The following RNPC3 variants were observed in gnomAD, a reference collection of about 807,000 sequenced individuals.
RNPC3 encodes RNA-binding region-containing protein 3.
A neutral mutation model predicts 67.5 loss-of-function variants in RNPC3; 48 were observed. The observed-to-expected ratio is 0.71, with a 90% CI of 0.56 to 0.90. RNPC3 has a LOEUF of 0.90. Among genes scored for constraint, RNPC3 ranks in the 40% least tolerant of loss-of-function variants. The pLI is 0.00. For missense variants in RNPC3, 637 were observed against 626.1 expected (o/e 1.02, Z -0.19); for synonymous variants, 239 against 210.3 (o/e 1.14, Z -1.18).
intron 12 of RNPC3, among the ~76,000 whole-genome samples, chr1:103,548,775 C>T (rs1651310614): frequency 6.6e-6 from 1 of 152,120 alleles, no homozygotes; most frequent in Admixed American, 6.5e-5. Context: ...CTGTATTAGT[C>T]TGTTTTCACT....
intron 2 of RNPC3, among the ~76,000 whole-genome samples, chr1:103,530,760 A>G (rs553224908): frequency 6.6e-6 from 1 of 152,202 alleles, no homozygotes; most frequent in Non-Finnish European, 1.5e-5. Flanking sequence ...TCAGTCCAGA[A>G]TTGATGGTTG....
intron 12 of RNPC3, among the ~76,000 whole-genome samples, chr1:103,548,274 C>T (rs924298624): frequency 2.0e-5 from 3 of 152,134 alleles, no homozygotes; most frequent in African/African-American, 7.2e-5. Context: ...TTTTCTGTTG[C>T]ATTGTCAGAC....
Position 103,526,186 on chromosome 1 carries a change from C to G in RNPC3, c.116C>G (p.Thr39Ser). 6.4e-7 allele frequency: 1 copy of G among 1,551,546 alleles called. No individual in the cohort carries two copies. Among genetic ancestry groups the G allele is most frequent in the Non-Finnish European group, 8.7e-7 (1 of 1,146,912 alleles). Reference protein sequence around the residue: ...LLVRHLPAELTAEEKEDLLKY... With the variant: ...LLVRHLPAELSAEEKEDLLKY... ...GTCAGGCACCTGCCGGCTGAGCTTACTGCTGAGGAGAAAGAGGACTTGCTG... is the reference window on the plus strand; with the variant it reads ...GTCAGGCACCTGCCGGCTGAGCTTAGTGCTGAGGAGAAAGAGGACTTGCTG... Residue 39 changes from threonine (T) to serine (S), a missense_variant, in exon 1 of 15, where the codon ACT (threonine) becomes AGT (serine). Physicochemically the swap from Thr to Ser is moderately conservative, Grantham distance 58. This residue lies in a region of RNPC3 where 536 missense variants were observed against 500.3 expected (regional missense o/e 1.07). Coordinates refer to ENST00000423855, the MANE Select transcript of RNPC3 (RefSeq NM_017619.4).
At chr1:103,536,690 T>G (rs980939655) in intron 6 of RNPC3, among the ~76,000 whole-genome samples, 6 of 152,194 alleles carry the variant, frequency 3.9e-5, no homozygotes, top group Non-Finnish European at 7.3e-5. Flanking sequence ...TTATTAATAC[T>G]TTGAGTGTTC....
chr1:103,546,137 C>A, intron 10 of RNPC3, 111 bp from the exon 11 acceptor site: 1 of 459,038 alleles, frequency 2.2e-6, no homozygotes, highest in Admixed American at 4.2e-5. Context: ...TTAACATTTT[C>A]ATAAAGCTTA....
At chr1:103,551,458 A>G (rs183551109) in intron 13 of RNPC3, among the ~76,000 whole-genome samples, 33 of 152,334 alleles carry the variant, frequency 2.2e-4, no homozygotes, top group Admixed American at 2.0e-3. Flanking sequence ...TCATTGATTA[A>G]CCATCTTGCT....
At chr1:103,544,417 T>C (rs1423560342) in intron 9 of RNPC3, among the ~76,000 whole-genome samples, 3 of 151,852 alleles carry the variant, frequency 2.0e-5, no homozygotes, top group African/African-American at 7.2e-5. Context: ...ATACTTTACA[T>C]TTTTTGGCTG....
intron 13 of RNPC3, among the ~76,000 whole-genome samples, chr1:103,551,422 A>G (rs1249154635): frequency 6.6e-6 from 1 of 152,196 alleles, no homozygotes; most frequent in South Asian, 2.1e-4. Context: ...ATATTTCTAC[A>G]TGAGAATTTT....
intron 1 of RNPC3, 25 bp from the exon 2 acceptor site, chr1:103,527,670 A>T (rs1650752351): frequency 2.0e-6 from 3 of 1,524,394 alleles, no homozygotes; most frequent in Non-Finnish European, 2.7e-6. Context: ...TATTGGAAGT[A>T]ATTTGTACCT....
intron 9 of RNPC3, among the ~76,000 whole-genome samples, chr1:103,544,099 A>C (rs1278297753): frequency 6.6e-6 from 1 of 151,302 alleles, no homozygotes; most frequent in African/African-American, 2.4e-5. Context: ...CTCAAACCTC[A>C]CTCTCCTGTG....
rs145658761 is a variant in RNPC3 at position 103,547,105 on chromosome 1, A to C, written c.1361+70A>C. ...TCTATTACAAATTTACCACTATTTT[A>C]ATCCCATCATTTTCCTTTTAGAGAT... On this transcript the variant is annotated intron_variant, in intron 12 of 14. Coordinates refer to ENST00000423855, the MANE Select transcript of RNPC3 (RefSeq NM_017619.4). 2.4e-3 allele frequency: 1,974 copies of C among 832,510 alleles called. 28 individuals carry two copies. In the African/African-American group the frequency reaches 0.032, roughly 14 times the overall value. The allele number at this position is 832,510 out of a possible 1,614,324, so 51.6% of individuals were successfully genotyped here.
At chr1:103,542,774 T>A (rs1162385323) in intron 8 of RNPC3, among the ~76,000 whole-genome samples, 1 of 151,850 alleles carries the variant, frequency 6.6e-6, no homozygotes, top group African/African-American at 2.4e-5. Flanking sequence ...GAAAACATAA[T>A]GTAAAATATC....
chr1:103,539,353 T>C (rs1452668187), intron 7 of RNPC3, among the ~76,000 whole-genome samples: 2 of 152,058 alleles, frequency 1.3e-5, no homozygotes, highest in Non-Finnish European at 2.9e-5. Flanking sequence ...AAGGGAAGAG[T>C]TAAAATCAAA....
intron 6 of RNPC3, among the ~76,000 whole-genome samples, chr1:103,536,997 T>G (rs1651002481): frequency 6.6e-6 from 1 of 152,194 alleles, no homozygotes; most frequent in African/African-American, 2.4e-5. Context: ...CCATGTGCCT[T>G]CCCAGGTTGA....
In RNPC3 at chr1:103,525,777, T is replaced by C; in HGVS notation, c.-294T>C. 3.6e-6 allele frequency: 1 copy of C among 274,028 alleles called. No homozygotes were observed. Among genetic ancestry groups the C allele is most frequent in the Non-Finnish European group, 6.9e-6 (1 of 145,590 alleles). The allele number at this position is 274,028 out of a possible 1,614,324, so 17.0% of individuals were successfully genotyped here. A position where few individuals can be genotyped will look rare whatever the true frequency, so the allele number is the denominator to read the frequency against. ...TGGGGTTCCTGTTTCCTTCTTTGATTGACAACTTGTGTTAACCCTCGCACA... is the reference window on the plus strand; with the variant it reads ...TGGGGTTCCTGTTTCCTTCTTTGATCGACAACTTGTGTTAACCCTCGCACA... On this transcript the variant is annotated 5_prime_UTR_variant, in exon 1 of 15. Transcript: ENST00000423855.
chr1:103,530,896 G>T (rs1650832646), intron 2 of RNPC3, among the ~76,000 whole-genome samples: 1 of 152,164 alleles, frequency 6.6e-6, no homozygotes. Context: ...TTAGTTACAT[G>T]AATAAGTTCT....
rs1234131027 is a variant in RNPC3 at position 103,551,051 on chromosome 1, T to G, written c.1472T>G (p.Leu491Arg). Residue 491 changes from leucine to arginine, a missense_variant, in exon 13 of 15, where the codon CTT becomes CGT. Coordinates refer to ENST00000423855, the MANE Select transcript of RNPC3 (RefSeq NM_017619.4). The part of the protein sequence containing the change: ...KALKEANGYV[L>R]FGKPMVVQFA... ...TTAAAGGAAGCTAATGGATATGTGC[T>G]TTTTGGAAAACCCATGGTGGTTGTA... The G allele has an allele frequency of 6.2e-7, 1 of 1,611,218 alleles. No homozygotes were observed. Among genetic ancestry groups the G allele is most frequent in the Non-Finnish European group, 8.5e-7 (1 of 1,178,762 alleles).
chr1:103,551,610 C>T (rs1651388766), intron 13 of RNPC3, 111 bp from the exon 14 acceptor site: 1 of 641,364 alleles, frequency 1.6e-6, no homozygotes, highest in Non-Finnish European at 2.7e-6. Context: ...AGGAGGCACT[C>T]AAGGTAAATT....
At position 103,533,876 on chromosome 1, in the gene RNPC3, C is replaced by G. The variant is rs1650923085; in HGVS notation, c.359+19C>G. On this transcript the variant is annotated intron_variant, in intron 3 of 14. Transcript: ENST00000423855. The stretch of plus-strand genomic sequence containing the variant: ...AAAAAAGGTATGTAGATCAGTAAAT[C>G]ATACATTTTTGTTACATTTTTAAAG... 1 of 1,149,916 alleles carries G rather than the reference C, an allele frequency of 8.7e-7. No individual in the cohort carries two copies. Among genetic ancestry groups the G allele is most frequent in the African/African-American group, 1.6e-5 (1 of 63,558 alleles). 71.2% of individuals were successfully genotyped at this position (1,149,916 alleles called of 1,614,324 possible).
Sources: gnomAD v4.1 joint callset for allele counts (sites outside exome capture counted in the v4.1 genomes callset) on GRCh38, gnomAD v4.1.1 for gene constraint, gnomAD v4.1.1 regional missense constraint, MANE v1.5 for transcripts, NCBI Gene and HGNC (gene_info 2026-07-23, HGNC 2026-07-21) for gene names.